Variants in CNOT10 observed in about 807,000 individuals in gnomAD.
The protein encoded by CNOT10 is CCR4-NOT transcription complex subunit 10, also known as CCR4-NOT transcription complex, subunit 10.
Under a neutral mutation model 94.6 loss-of-function variants are expected in CNOT10, and 30 were observed. The ratio of observed to expected loss-of-function variants is 0.32; its 90% CI spans 0.24 to 0.43. CNOT10 has a LOEUF of 0.43. Among genes scored for constraint, CNOT10 ranks in the 20% least tolerant of loss-of-function variants. The probability of loss-of-function intolerance (pLI) is 1.00; values close to 1 mark genes in which losing one functional copy is unlikely to be tolerated. For missense variants in CNOT10, 759 were observed against 877.2 expected (o/e 0.87, Z 1.70); for synonymous variants, 289 against 301.6 (o/e 0.96, Z 0.43).
intron 12 of CNOT10, among the ~76,000 whole-genome samples, chr3:32,735,331 T>TCCGTCTCAAAAAAAAAAAAAAAAAAAA (rs1273249188): frequency 6.8e-6 from 1 of 146,816 alleles, no homozygotes; most frequent in Non-Finnish European, 1.5e-5. Flanking sequence ...GGCGACAGAG[T>TCCGTCTCAAAAAAAAAAAAAAAAAAAA]GAGACTTCAT....
chr3:32,770,081 C>G, intron 18 of CNOT10, 119 bp downstream of exon 18: 2 of 723,036 alleles, frequency 2.8e-6, no homozygotes, highest in South Asian at 1.6e-5. Context: ...TCAGAGCTCA[C>G]TGCAGCCTCC....
intron 3 of CNOT10, among the ~76,000 whole-genome samples, chr3:32,707,543 C>A (rs1052029089): frequency 2.0e-5 from 3 of 152,126 alleles, no homozygotes; most frequent in Non-Finnish European, 4.4e-5. Flanking sequence ...GTGGCTCATG[C>A]CTGTAATCCA....
intron 13 of CNOT10, among the ~76,000 whole-genome samples, chr3:32,754,492 A>ATATATATATATTTTTATT: frequency 2.2e-5 from 1 of 44,470 alleles, no homozygotes; most frequent in African/African-American, 8.1e-5. Flanking sequence ...AAAAAAAAAT[A>ATATATATATATTTTTATT]CATATATATA....
chr3:32,736,276 A>G (rs1305456986), intron 12 of CNOT10, among the ~76,000 whole-genome samples: 1 of 151,962 alleles, frequency 6.6e-6, no homozygotes, highest in African/African-American at 2.4e-5. Flanking sequence ...TAGTAGAGAT[A>G]GGGTTTTGCC....
intron 1 of CNOT10, 29 bp from the exon 2 acceptor site, chr3:32,703,839 A>G: frequency 1.3e-6 from 2 of 1,534,596 alleles, no homozygotes; most frequent in Non-Finnish European, 1.8e-6. Flanking sequence ...TTTTATTTCT[A>G]AAGAACTGTA....
At chr3:32,728,802 T>G (rs887186569) in intron 10 of CNOT10, among the ~76,000 whole-genome samples, 1 of 151,700 alleles carries the variant, frequency 6.6e-6, no homozygotes, top group African/African-American at 2.4e-5. Context: ...GCCTGGTGAT[T>G]AGAAAAGGTC....
chr3:32,732,100 AT>A (rs527241785), intron 10 of CNOT10, among the ~76,000 whole-genome samples: 28 of 150,176 alleles, frequency 1.9e-4, no homozygotes, highest in African/African-American at 6.4e-4. Flanking sequence ...TAAATAAAAG[AT>A]TTTTTCTGGC....
intron 1 of CNOT10, chr3:32,687,597 G>T (rs1235770655): frequency 1.3e-5 from 2 of 151,578 alleles, no homozygotes; most frequent in South Asian, 4.2e-4. Context: ...GACTACAGGC[G>T]CCCGCCACCA....
At chr3:32,762,592 T>C in intron 14 of CNOT10, 141 bp from the exon 15 acceptor site, 1 of 885,098 alleles carries the variant, frequency 1.1e-6, no homozygotes, top group Non-Finnish European at 1.6e-6. Flanking sequence ...TTTACCTAAA[T>C]AAATTTAGAT....
chr3:32,758,396 T>G (rs1432429123), intron 13 of CNOT10, among the ~76,000 whole-genome samples: 1 of 152,188 alleles, frequency 6.6e-6, no homozygotes, highest in East Asian at 1.9e-4. Context: ...GAACCAAAAG[T>G]TAGCAAGTGA....
intron 4 of CNOT10, 95 bp downstream of exon 4, chr3:32,708,915 C>T (rs1697747336): frequency 1.1e-6 from 1 of 938,550 alleles, no homozygotes; most frequent in African/African-American, 1.7e-5. Context: ...CCGAGAAGTC[C>T]ATGCCAGTAT....
At chr3:32,733,568 T>G (rs1699048992) in intron 11 of CNOT10, 24 bp downstream of exon 11, 3 of 1,409,630 alleles carry the variant, frequency 2.1e-6, no homozygotes, top group Admixed American at 2.2e-5. Context: ...AAAGAAAAAG[T>G]GTATATATAT....
intron 18 of CNOT10, 85 bp from the exon 19 acceptor site, chr3:32,773,372 C>A: frequency 7.3e-7 from 1 of 1,377,562 alleles, no homozygotes; most frequent in Non-Finnish European, 9.9e-7. Flanking sequence ...TCATCTTTTA[C>A]CTCCCCAGCA....
rs180999215 is a variant in CNOT10 at position 32,766,262 on chromosome 3, A to G, written c.2004+1453A>G. Among the ~76,000 whole-genome samples the G allele has an allele frequency of 1.0e-3, 47 of 46,972 alleles. 18 individuals are homozygous for G. The highest frequency in any genetic ancestry group is 4.0e-3 in the Admixed American group (14 of 3,496). 30.8% of individuals were successfully genotyped at this position (46,972 alleles called of 152,430 possible). A position where few individuals can be genotyped will look rare whatever the true frequency, so the allele number is the denominator to read the frequency against. On this transcript the variant is annotated intron_variant, in intron 17 of 18. Transcript: ENST00000328834. ...GGTGATCCACCCGCCTCAGCCTCCC[A>G]AAGTGCTGGGATTACAGGTGTGAGC...
chr3:32,690,136 G>A (rs1024767139), intron 1 of CNOT10, among the ~76,000 whole-genome samples: 1 of 152,148 alleles, frequency 6.6e-6, no homozygotes, highest in African/African-American at 2.4e-5. Flanking sequence ...AGGGCATGAT[G>A]GTGTGATCTG....
intron 14 of CNOT10, 64 bp from the exon 15 acceptor site, chr3:32,762,669 A>G: frequency 6.6e-7 from 1 of 1,503,960 alleles, no homozygotes; most frequent in Admixed American, 2.3e-5. Flanking sequence ...ACCCAGCATT[A>G]TTTTACATTG....
intron 10 of CNOT10, chr3:32,730,807 C>T (rs1698908009): frequency 1.3e-5 from 2 of 152,172 alleles, no homozygotes; most frequent in South Asian, 4.1e-4. Context: ...AGAGGCAAGG[C>T]TTATATTTAC....
intron 1 of CNOT10, among the ~76,000 whole-genome samples, chr3:32,692,639 C>T (rs576076411): frequency 1.3e-5 from 2 of 152,124 alleles, no homozygotes; most frequent in South Asian, 4.1e-4. Context: ...TCGTAAATAT[C>T]CACTGTTGTT....
At chr3:32,702,798 C>T (rs1697415732) in intron 1 of CNOT10, among the ~76,000 whole-genome samples, 1 of 152,042 alleles carries the variant, frequency 6.6e-6, no homozygotes. Context: ...GGCTTGTGGT[C>T]TTTATTTAAG....
Sources: allele counts gnomAD v4.1 joint callset (sites outside exome capture counted in the v4.1 genomes callset), GRCh38; gene constraint gnomAD v4.1.1; transcripts MANE v1.5; gene names NCBI Gene and HGNC (gene_info 2026-07-23, HGNC 2026-07-21).